The following PRKN variants were observed in gnomAD, a reference collection of about 807,000 sequenced individuals.
PRKN encodes the protein parkin RBR E3 ubiquitin protein ligase.
Under a neutral mutation model 59.5 loss-of-function variants are expected in PRKN, and 56 were observed. The ratio of observed to expected loss-of-function variants is 0.94; its 90% CI spans 0.76 to 1.18. The LOEUF (loss-of-function observed/expected upper bound fraction) is 1.18, where lower values mean the gene tolerates loss of function less well. Among genes scored for constraint, PRKN ranks in the 50% most tolerant of loss-of-function variants. PRKN has a pLI of 0.00. For synonymous variants in PRKN, 250 were observed against 222.1 expected (o/e 1.13, Z -1.12); for missense variants, 657 against 596.4 (o/e 1.10, Z -1.06).
chr6:161,398,795 T>A, intron 9 of PRKN, among the ~76,000 whole-genome samples: 1 of 152,090 alleles, frequency 6.6e-6, no homozygotes, highest in East Asian at 1.9e-4. Context: ...TGAGGTTCCA[T>A]GGGAGCACAG....
chr6:161,497,577 T>TCTCTCACACACACA lies in PRKN; in HGVS notation c.1083+51276_1083+51277insTGTGTGTGTGAGAG, dbSNP rs369404858. 3.9e-3 allele frequency among the ~76,000 whole-genome samples: 573 copies of TCTCTCACACACACA among 147,450 alleles called. 5 individuals carry two copies. The highest frequency in any genetic ancestry group is 0.018 in the Middle Eastern group (5 of 282). On this transcript the variant is annotated intron_variant, in intron 9 of 11. Coordinates refer to ENST00000366898, the MANE Select transcript of PRKN (RefSeq NM_004562.3). This position sits in a 1 kb window ranked among gnomAD's most constrained non-coding sequence, Gnocchi z 4.6. Reference sequence around the variant, plus strand: ...ATGTCTCTCTCTCTCTCTCTCTCTCTCACACACACACACACACACACCATA... The same window carrying TCTCTCACACACACA: ...ATGTCTCTCTCTCTCTCTCTCTCTCTCTCTCACACACACACACACACACACACACACACACCATA...
chr6:161,819,565 T>C lies in PRKN; in HGVS notation c.735-33657A>G, dbSNP rs910886907. Among the ~76,000 whole-genome samples, 36 of 152,166 alleles carry C rather than the reference T, an allele frequency of 2.4e-4. 1 individual carries two copies. Among genetic ancestry groups the C allele is most frequent in the Non-Finnish European group, 1.0e-4 (7 of 68,022 alleles). ...AAGATTTATGTTAAACTCCTAAATG[T>C]TTCTTGTATCTCTATAGGTATTACC... On this transcript the variant is annotated intron_variant, in intron 6 of 11. Coordinates refer to ENST00000366898, the MANE Select transcript of PRKN (RefSeq NM_004562.3).
At chr6:161,727,637 C>T (rs1173237696) in intron 7 of PRKN, among the ~76,000 whole-genome samples, 6 of 152,182 alleles carry the variant, frequency 3.9e-5, no homozygotes, top group Non-Finnish European at 7.3e-5. Context: ...ATCTACTTCA[C>T]AGGGAGGGAC....
chr6:161,673,664 A>G (rs1475750834), intron 7 of PRKN, among the ~76,000 whole-genome samples: 1 of 152,088 alleles, frequency 6.6e-6, no homozygotes, highest in African/African-American at 2.4e-5. Context: ...AGAAGTGGGG[A>G]GGTGGAAGAT....
At chr6:162,312,678 G>C (rs981964160) in intron 2 of PRKN, among the ~76,000 whole-genome samples, 1 of 152,106 alleles carries the variant, frequency 6.6e-6, no homozygotes, top group African/African-American at 2.4e-5. Flanking sequence ...ATTTACATAA[G>C]TGGTTCTTGA....
At chr6:162,214,901 A>G (rs1211545172) in intron 3 of PRKN, among the ~76,000 whole-genome samples, 1 of 152,140 alleles carries the variant, frequency 6.6e-6, no homozygotes, top group Admixed American at 6.5e-5. Flanking sequence ...TTGAGGAGAG[A>G]GAAGATTGTT....
In PRKN at chr6:161,409,768, G is replaced by A. The variant is rs145298318; in HGVS notation, c.1084-22891C>T. Among the ~76,000 whole-genome samples the A allele has an allele frequency of 3.5e-4, 53 of 152,222 alleles. No homozygotes were observed. Among genetic ancestry groups the A allele is most frequent in the African/African-American group, 8.9e-4 (37 of 41,532 alleles). ...GTTAGATGACAACCCCTTCAGCACC[G>A]GCCTGAAGAAAGCGCAGGCCCAGTG... On this transcript the variant is annotated intron_variant, in intron 9 of 11. Transcript: ENST00000366898. The surrounding 1 kb of genome is among the most constrained non-coding windows in gnomAD (Gnocchi z 4.6).
At chr6:162,108,501 AAAC>A (rs1251175169) in intron 4 of PRKN, among the ~76,000 whole-genome samples, 1 of 152,224 alleles carries the variant, frequency 6.6e-6, no homozygotes, top group Non-Finnish European at 1.5e-5. Flanking sequence ...ACCACCATGA[AAAC>A]AACAACAAAA....
intron 1 of PRKN, among the ~76,000 whole-genome samples, chr6:162,539,711 T>G (rs1019488179): frequency 3.9e-5 from 6 of 152,180 alleles, no homozygotes; most frequent in African/African-American, 1.4e-4. Context: ...CCTATTCACA[T>G]CTACGTAGAG....
At position 162,388,754 on chromosome 6, in the gene PRKN, C is replaced by T. The variant is rs766760883; in HGVS notation, c.171+54556G>A. ...TCTCTCTTCTCCAGTATCTGCATTA[C>T]ATGTGCCCAGGGGGCCCTTCTCTAC... On this transcript the variant is annotated intron_variant, in intron 2 of 11. Transcript: ENST00000366898. 1.1e-4 allele frequency among the ~76,000 whole-genome samples: 16 copies of T among 152,176 alleles called. 1 individual carries two copies. The highest frequency in any genetic ancestry group is 1.9e-4 in the Non-Finnish European group (13 of 68,024).
chr6:162,089,155 A>G (rs539465940), intron 4 of PRKN, among the ~76,000 whole-genome samples: 2 of 152,326 alleles, frequency 1.3e-5, no homozygotes, highest in South Asian at 4.1e-4. Flanking sequence ...ATATGTCATA[A>G]AAAACCTCTG....
chr6:162,350,613 A>G (rs960719079), intron 2 of PRKN, among the ~76,000 whole-genome samples: 1 of 152,186 alleles, frequency 6.6e-6, no homozygotes, highest in African/African-American at 2.4e-5. Context: ...TAGCAATTAG[A>G]GATTGATATG....
At chr6:162,193,014 T>A (rs1038119255) in intron 4 of PRKN, among the ~76,000 whole-genome samples, 2 of 151,948 alleles carry the variant, frequency 1.3e-5, no homozygotes, top group African/African-American at 4.8e-5. Flanking sequence ...TCTTAAAGAG[T>A]AGTGAGTAAA....
intron 10 of PRKN, among the ~76,000 whole-genome samples, chr6:161,383,389 A>T (rs1786082165): frequency 6.6e-6 from 1 of 152,212 alleles, no homozygotes; most frequent in Non-Finnish European, 1.5e-5. Context: ...GGTGCTGGTA[A>T]TTCTGTATTC....
At chr6:162,040,572 ATTT>A (rs35272845) in intron 5 of PRKN, among the ~76,000 whole-genome samples, 4 of 113,054 alleles carry the variant, frequency 3.5e-5, no homozygotes, top group Admixed American at 1.9e-4. Flanking sequence ...ATGCCCGGCT[ATTT>A]TTTTTTTTTT....
intron 1 of PRKN, among the ~76,000 whole-genome samples, chr6:162,566,315 G>GA (rs995472357): frequency 2.2e-5 from 2 of 92,418 alleles, no homozygotes; most frequent in Admixed American, 1.1e-4. Context: ...AAATTGAAAT[G>GA]AAAAAAATAC....
intron 7 of PRKN, among the ~76,000 whole-genome samples, chr6:161,709,310 G>T (rs1786643167): frequency 6.6e-6 from 1 of 152,098 alleles, no homozygotes; most frequent in South Asian, 2.1e-4. Flanking sequence ...AAAATAACTG[G>T]CATTCAACTT....
intron 1 of PRKN, among the ~76,000 whole-genome samples, chr6:162,616,513 T>C (rs1782425906): frequency 1.9e-4 from 29 of 152,158 alleles, no homozygotes; most frequent in Admixed American, 1.9e-3. Flanking sequence ...AATTGTTGCA[T>C]GACACTCTAT....
rs1435514510 is a variant in PRKN at position 161,592,166 on chromosome 6, T to G, written c.872-22750A>C. Among the ~76,000 whole-genome samples, 8 of 152,220 alleles carry G rather than the reference T, an allele frequency of 5.3e-5. No individual in the cohort carries two copies. In the South Asian group the frequency reaches 6.2e-4, roughly 12 times the overall value. ...TCGTTGTGTCATTTTTTATGTTCAT[T>G]TTTTCCAAATATTTTCTATCTGCAG... On this transcript the variant is annotated intron_variant, in intron 7 of 11. Coordinates refer to ENST00000366898, the MANE Select transcript of PRKN (RefSeq NM_004562.3). This position sits in a 1 kb window ranked among gnomAD's most constrained non-coding sequence, Gnocchi z 4.8.
Sources: allele counts gnomAD v4.1 joint callset (sites outside exome capture counted in the v4.1 genomes callset), GRCh38; gene constraint gnomAD v4.1.1; non-coding constraint Gnocchi (gnomAD v3.1); transcripts MANE v1.5; gene names NCBI Gene and HGNC (gene_info 2026-07-23, HGNC 2026-07-21).